The following CEP78 variants were observed in gnomAD, a reference collection of about 807,000 sequenced individuals.
CEP78 encodes the protein centrosomal protein 78, also known as centrosomal protein of 78 kDa.
In CEP78, 76 loss-of-function variants were observed where a neutral mutation model predicts 81.2. The observed-to-expected ratio is 0.94, with a 90% CI of 0.78 to 1.13. The LOEUF is 1.13. Among genes scored for constraint, CEP78 ranks in the 50% most tolerant of loss-of-function variants. The pLI, the probability that CEP78 is intolerant of heterozygous loss-of-function variation, is 0.00. For missense variants in CEP78, 918 were observed against 846.8 expected, an observed-to-expected ratio of 1.08 and a Z score of -1.04; for synonymous variants, 293 against 301.4, an observed-to-expected ratio of 0.97 and a Z score of 0.29.
chr9:78,275,765 TAAA>T lies in CEP78; in HGVS notation c.*4918_*4920del, dbSNP rs1206895247. ...GGCAAGACCTCATCTCTACAAAAAT[TAAA>T]AAACAAAACAAAACAAAAAAACCCA... On this transcript the variant is annotated 3_prime_UTR_variant, in exon 17 of 17. Coordinates refer to ENST00000643273, the MANE Select transcript of CEP78 (RefSeq NM_001330691.3). 6.6e-6 allele frequency: 1 copy of T among 151,234 alleles called. No individual in the cohort carries two copies. The highest frequency in any genetic ancestry group is 2.1e-4 in the South Asian group (1 of 4,792). The allele number at this position is 151,234 out of a possible 1,614,324, so 9.4% of individuals were successfully genotyped here.
At chr9:78,239,763 C>G (rs1051651310) in intron 1 of CEP78, among the ~76,000 whole-genome samples, 5 of 152,168 alleles carry the variant, frequency 3.3e-5, no homozygotes, top group African/African-American at 1.2e-4. Flanking sequence ...CCCACTCTCA[C>G]CCCATGTTGT....
chr9:78,238,125 C>CAA (rs1018447867), intron 1 of CEP78, among the ~76,000 whole-genome samples: 6 of 95,828 alleles, frequency 6.3e-5, no homozygotes, highest in Non-Finnish European at 9.0e-5. Flanking sequence ...AACTCTGTCT[C>CAA]AAAAAAAAAA....
At chr9:78,237,638 C>T (rs1225548111) in intron 1 of CEP78, among the ~76,000 whole-genome samples, 1 of 152,052 alleles carries the variant, frequency 6.6e-6, no homozygotes, top group Non-Finnish European at 1.5e-5. Flanking sequence ...CAGGGAGGGT[C>T]CTCGTTTGTC....
intron 3 of CEP78, among the ~76,000 whole-genome samples, chr9:78,241,059 A>G (rs1234449901): frequency 6.6e-6 from 1 of 152,226 alleles, no homozygotes; most frequent in African/African-American, 2.4e-5. Context: ...AATATAAGCA[A>G]AGTGCTGTAT....
intron 7 of CEP78, 33 bp from the exon 8 acceptor site, chr9:78,248,729 A>G (rs371297086): frequency 9.2e-7 from 1 of 1,092,318 alleles, no homozygotes; most frequent in East Asian, 2.5e-5. Flanking sequence ...ATGATCTGTA[A>G]CTGAAATATA....
chr9:78,252,189 G>A, intron 9 of CEP78, 146 bp downstream of exon 9: 4 of 641,118 alleles, frequency 6.2e-6, no homozygotes, highest in Non-Finnish European at 7.5e-6. Flanking sequence ...ATCCTTTAAG[G>A]AAGAAAAACA....
chr9:78,245,651 T>A (rs758842118), intron 5 of CEP78, among the ~76,000 whole-genome samples: 2 of 152,234 alleles, frequency 1.3e-5, no homozygotes, highest in Non-Finnish European at 2.9e-5. Context: ...CCTGTACTTT[T>A]GTGATAATCC....
chr9:78,265,794 A>G, intron 14 of CEP78, 65 bp from the exon 15 acceptor site: 1 of 871,374 alleles, frequency 1.1e-6, no homozygotes, highest in Non-Finnish European at 1.9e-6. Context: ...AAGAAATGAA[A>G]GATTAGAGAA....
chr9:78,255,029 A>C, intron 11 of CEP78, 65 bp downstream of exon 11: 1 of 1,407,114 alleles, frequency 7.1e-7, no homozygotes, highest in Non-Finnish European at 9.8e-7. Flanking sequence ...TTTTTGGTGA[A>C]AGCTTGATTA....
chr9:78,264,225 A>G lies in CEP78; in HGVS notation c.1534A>G (p.Asn512Asp). 1.9e-6 allele frequency: 3 copies of G among 1,609,468 alleles called. No individual in the cohort carries two copies. Among genetic ancestry groups the G allele is most frequent in the Non-Finnish European group, 2.5e-6 (3 of 1,177,838 alleles). Residue 512 changes from asparagine to aspartate, a missense_variant, in exon 13 of 17, where the codon AAT (asparagine) becomes GAT (aspartate). Transcript: ENST00000643273. ...SEALHAQSLT[N>D]MILDDEGVLG... ...AGCCCTTCATGCACAGTCATTGACA[A>G]ATATGATCCTGGATGATGAAGGTGT...
At chr9:78,258,543 C>G (rs1328917514) in intron 11 of CEP78, among the ~76,000 whole-genome samples, 4 of 152,096 alleles carry the variant, frequency 2.6e-5, no homozygotes, top group African/African-American at 4.8e-5. Flanking sequence ...ATGGTGATAA[C>G]AACTTTATTG....
rs1057517692 is a variant in CEP78, at chr9:78,243,489, AC to A, written c.633del (p.Trp212GlyfsTer18). ...TCAGACCATGAGAAGGCATGAAGAA[AC>A]CTGGGCTGAGAGTCTTCGCTATAGG... is the stretch of plus-strand genomic sequence containing the variant. ...KYQTMRRHEE[T>X]WAESLRYRRP... On this transcript the variant is annotated frameshift_variant, in exon 5 of 17. Transcript: ENST00000643273. LOFTEE classifies it high-confidence loss of function. 6 of 1,613,434 alleles carry A rather than the reference AC, an allele frequency of 3.7e-6. No homozygotes were observed. Among genetic ancestry groups the A allele is most frequent in the Non-Finnish European group, 3.4e-6 (4 of 1,179,710 alleles).
Position 78,262,952 on chromosome 9 carries a change from A to T in CEP78, c.1426A>T (p.Ile476Leu). Residue 476 changes from isoleucine to leucine, a missense_variant, in exon 12 of 17, where the codon ATA (isoleucine) becomes TTA (leucine). Transcript: ENST00000643273. ...AAAGCAGTTAAAGGAAGAAAGAGTG[A>T]TAAGGCTTAAGGTTGATAAACGAGT... ...CLKQLKEERV[I>L]RLKVDKRVSE... The T allele has an allele frequency of 1.3e-6, 2 of 1,547,406 alleles. No individual in the cohort carries two copies. Among genetic ancestry groups the T allele is most frequent in the Non-Finnish European group, 1.7e-6 (2 of 1,144,512 alleles).
At chr9:78,254,161 A>T (rs1826899805) in intron 10 of CEP78, among the ~76,000 whole-genome samples, 1 of 152,160 alleles carries the variant, frequency 6.6e-6, no homozygotes, top group Admixed American at 6.5e-5. Flanking sequence ...TGGCTTAAGA[A>T]TGAGGAAAAG....
intron 16 of CEP78, among the ~76,000 whole-genome samples, chr9:78,270,041 G>T (rs1827657094): frequency 6.6e-6 from 1 of 152,200 alleles, no homozygotes; most frequent in Non-Finnish European, 1.5e-5. Flanking sequence ...GTAACTTAGA[G>T]AATCTGGGAA....
intron 1 of CEP78, among the ~76,000 whole-genome samples, chr9:78,238,459 C>CAG (rs2118084771): frequency 1.3e-5 from 2 of 152,194 alleles, no homozygotes; most frequent in South Asian, 4.2e-4. Context: ...AAAGAAGATC[C>CAG]AGATAATTGT....
chr9:78,259,257 A>C (rs957283660), intron 11 of CEP78, among the ~76,000 whole-genome samples: 3 of 152,244 alleles, frequency 2.0e-5, no homozygotes, highest in Non-Finnish European at 4.4e-5. Flanking sequence ...AGTTAGAAGT[A>C]GGCAAAACTA....
At chr9:78,260,151 T>TA (rs1470422919) in intron 11 of CEP78, among the ~76,000 whole-genome samples, 1 of 152,248 alleles carries the variant, frequency 6.6e-6, no homozygotes, top group Non-Finnish European at 1.5e-5. Context: ...AGTAGCAGTA[T>TA]AAAATCTTAG....
chr9:78,267,009 T>A, intron 16 of CEP78: 1 of 1,336,968 alleles, frequency 7.5e-7, no homozygotes, highest in Non-Finnish European at 9.8e-7. Context: ...TTCATATGAC[T>A]AAATCTTTTG....
Sources: gnomAD v4.1 joint callset for allele counts (sites outside exome capture counted in the v4.1 genomes callset) on GRCh38, gnomAD v4.1.1 for gene constraint, MANE v1.5 for transcripts, NCBI Gene and HGNC (gene_info 2026-07-23, HGNC 2026-07-21) for gene names.